The following CCDC63 variants were observed in gnomAD, a reference collection of about 807,000 sequenced individuals.
The protein encoded by CCDC63 is coiled-coil domain-containing protein 63.
Under a neutral mutation model 63.6 loss-of-function variants are expected in CCDC63, and 54 were observed. The observed-to-expected ratio is 0.85, with a 90% CI of 0.68 to 1.07. The LOEUF (loss-of-function observed/expected upper bound fraction) is 1.07. CCDC63 is among the 50% of genes least tolerant of loss of function. The pLI is 0.00. For synonymous variants in CCDC63, 253 were observed against 266.1 expected, an observed-to-expected ratio of 0.95 and a Z score of 0.48; for missense variants, 637 against 689.6, an observed-to-expected ratio of 0.92 and a Z score of 0.86.
At chr12:110,893,397 C>A (rs536461264) in intron 9 of CCDC63, among the ~76,000 whole-genome samples, 1 of 152,198 alleles carries the variant, frequency 6.6e-6, no homozygotes, top group South Asian at 2.1e-4. Context: ...AAGCCCCCAC[C>A]CCCCTTTTCA....
intron 1 of CCDC63, among the ~76,000 whole-genome samples, chr12:110,848,438 G>A (rs879526913): frequency 1.5e-4 from 23 of 152,154 alleles, no homozygotes; most frequent in Admixed American, 9.2e-4. Flanking sequence ...GGCACTGATC[G>A]AAAGGGAAAG....
chr12:110,902,884 ATTT>A (rs71083163), intron 10 of CCDC63, among the ~76,000 whole-genome samples: 1 of 135,478 alleles, frequency 7.4e-6, no homozygotes, highest in Non-Finnish European at 1.6e-5. Flanking sequence ...CGCCCGGCTA[ATTT>A]TTTTTTTTTT....
chr12:110,888,856 TC>T, intron 8 of CCDC63, among the ~76,000 whole-genome samples: 3 of 125,606 alleles, frequency 2.4e-5, no homozygotes, highest in East Asian at 2.7e-4. Flanking sequence ...CTTCCTTCCT[TC>T]CTTCGTTTTT....
intron 10 of CCDC63, among the ~76,000 whole-genome samples, chr12:110,900,984 G>A (rs2071478601): frequency 6.6e-6 from 1 of 152,156 alleles, no homozygotes; most frequent in Non-Finnish European, 1.5e-5. Flanking sequence ...ATTTGCTAGA[G>A]GACTTCCAGG....
intron 8 of CCDC63, among the ~76,000 whole-genome samples, chr12:110,884,846 C>T (rs1335132535): frequency 7.4e-6 from 1 of 134,748 alleles, no homozygotes; most frequent in Admixed American, 8.4e-5. Flanking sequence ...GCCACGACGC[C>T]CTGCTATTTT....
chr12:110,888,832 TCCTTCCTTCCTTC>T (rs1461549817), intron 8 of CCDC63, among the ~76,000 whole-genome samples: 1 of 139,432 alleles, frequency 7.2e-6, no homozygotes, highest in Non-Finnish European at 1.5e-5. Context: ...CTTCCTTCCT[TCCTTCCTTCCTTC>T]CTTCCTTCCT....
At position 110,889,044 on chromosome 12, in the gene CCDC63, G is replaced by C. The variant is rs1437216675; in HGVS notation, c.1075-4032G>C. ...ACACCACCACACCCAGCTAATTTTT[G>C]TATTTTTTGCAGAGATGAGGTTTCA... On this transcript the variant is annotated intron_variant, in intron 8 of 11. Transcript: ENST00000308208. This position sits in a 1 kb window ranked among gnomAD's most constrained non-coding sequence, Gnocchi z 4.1. Among the ~76,000 whole-genome samples the C allele has an allele frequency of 6.6e-6, 1 of 151,930 alleles. No homozygotes were observed. The highest frequency in any genetic ancestry group is 2.4e-5 in the African/African-American group (1 of 41,372).
At chr12:110,890,253 A>G (rs1399640348) in intron 8 of CCDC63, among the ~76,000 whole-genome samples, 2 of 152,004 alleles carry the variant, frequency 1.3e-5, no homozygotes, top group Non-Finnish European at 2.9e-5. Flanking sequence ...GTAGTGAGCC[A>G]AGATCGCACC....
chr12:110,846,579 AAAAAACT>A (rs1655753012), upstream of CCDC63, among the ~76,000 whole-genome samples: 1 of 151,924 alleles, frequency 6.6e-6, no homozygotes, highest in African/African-American at 2.4e-5. Context: ...TTCAGAGTAG[AAAAAACT>A]GGGCTCCTTT....
chr12:110,862,434 A>G (rs1285649951), intron 4 of CCDC63, among the ~76,000 whole-genome samples: 1 of 152,244 alleles, frequency 6.6e-6, no homozygotes, highest in Non-Finnish European at 1.5e-5. Flanking sequence ...GGAAGACAGC[A>G]TCTTGCTTAG....
chr12:110,875,341 T>C (rs1382646098), intron 5 of CCDC63, among the ~76,000 whole-genome samples: 1 of 152,240 alleles, frequency 6.6e-6, no homozygotes, highest in Non-Finnish European at 1.5e-5. Context: ...TTAAGAATCA[T>C]AGATTTAATG....
intron 8 of CCDC63, among the ~76,000 whole-genome samples, chr12:110,888,549 G>A (rs576430547): frequency 6.6e-6 from 1 of 152,210 alleles, no homozygotes; most frequent in African/African-American, 2.4e-5. Context: ...TGACTTTTTG[G>A]GCTCAAATAG....
chr12:110,861,933 G>A (rs2070859557), intron 4 of CCDC63, among the ~76,000 whole-genome samples: 1 of 151,942 alleles, frequency 6.6e-6, no homozygotes, highest in Admixed American at 6.6e-5. Context: ...TCCCTACTGT[G>A]CGTGCCCGAA....
At chr12:110,852,472 G>A (rs1360674329) in intron 1 of CCDC63, among the ~76,000 whole-genome samples, 1 of 152,100 alleles carries the variant, frequency 6.6e-6, no homozygotes, top group African/African-American at 2.4e-5. Context: ...ATGTTGACCA[G>A]GCTGGTATCG....
chr12:110,856,059 AC>A (rs2070765521), intron 3 of CCDC63, among the ~76,000 whole-genome samples: 1 of 142,140 alleles, frequency 7.0e-6, no homozygotes, highest in Non-Finnish European at 1.5e-5. Context: ...GCTTTTACCA[AC>A]CCTCTCTGAA....
chr12:110,868,431 G>A (rs1593658575), intron 4 of CCDC63, among the ~76,000 whole-genome samples: 1 of 150,764 alleles, frequency 6.6e-6, no homozygotes, highest in South Asian at 2.1e-4. Context: ...CTGCACTCCA[G>A]TCTGGGCACC....
chr12:110,846,251 C>T (rs2070635884), upstream of CCDC63, among the ~76,000 whole-genome samples: 1 of 152,184 alleles, frequency 6.6e-6, no homozygotes, highest in African/African-American at 2.4e-5. Flanking sequence ...CTGTAGAAAA[C>T]AGGTACCCCC....
chr12:110,866,198 G>C (rs188871269), intron 4 of CCDC63, among the ~76,000 whole-genome samples: 2 of 152,148 alleles, frequency 1.3e-5, no homozygotes, highest in Admixed American at 1.3e-4. Flanking sequence ...GGCTTGTCTT[G>C]AACGTCTGAC....
upstream of CCDC63, among the ~76,000 whole-genome samples, chr12:110,844,709 G>C (rs911227981): frequency 6.6e-6 from 1 of 152,146 alleles, no homozygotes; most frequent in Admixed American, 6.5e-5. Context: ...GATCTACCTT[G>C]GAGGTGTGTG....
Sources: gnomAD v4.1 joint callset for allele counts (sites outside exome capture counted in the v4.1 genomes callset) on GRCh38, gnomAD v4.1.1 for gene constraint, Gnocchi (gnomAD v3.1) non-coding constraint, MANE v1.5 for transcripts, NCBI Gene and HGNC (gene_info 2026-07-23, HGNC 2026-07-21) for gene names.